The following RIMS2 variants were observed in gnomAD, a reference collection of about 807,000 sequenced individuals.
The protein encoded by RIMS2 is regulating synaptic membrane exocytosis 2.
A neutral mutation model predicts 174.4 loss-of-function variants in RIMS2; 59 were observed. The observed-to-expected ratio is 0.34, with a 90% CI of 0.27 to 0.42. The LOEUF is 0.42. RIMS2 is among the 10% of genes least tolerant of loss of function. The pLI is 1.00. For synonymous variants in RIMS2, 606 were observed against 572.5 expected, an observed-to-expected ratio of 1.06 and a Z score of -0.84; for missense variants, 1,620 against 1,666.3, an observed-to-expected ratio of 0.97 and a Z score of 0.48.
At chr8:104,153,601 G>C (rs1214843046) in intron 19 of RIMS2, among the ~76,000 whole-genome samples, 2 of 152,116 alleles carry the variant, frequency 1.3e-5, no homozygotes, top group Non-Finnish European at 2.9e-5. Flanking sequence ...TCAGAGCCCA[G>C]TAGATCAAAG....
At chr8:104,072,812 G>A (rs907653402) in intron 19 of RIMS2, among the ~76,000 whole-genome samples, 1 of 152,082 alleles carries the variant, frequency 6.6e-6, no homozygotes, top group Non-Finnish European at 1.5e-5. Context: ...TGCCTATTAA[G>A]CTACTGTCTT....
intron 1 of RIMS2, among the ~76,000 whole-genome samples, chr8:103,518,030 G>T (rs116104712): frequency 0.012 from 1,775 of 151,876 alleles, 42 homozygotes; most frequent in African/African-American, 0.041. Context: ...GCTCAATCTA[G>T]ATGTTTATGT....
chr8:104,110,808 C>G (rs13279907), intron 19 of RIMS2, among the ~76,000 whole-genome samples: 35,881 of 152,062 alleles, frequency 0.24, 4,525 homozygotes, highest in African/African-American at 0.33. Context: ...TTCTCATCAA[C>G]ATTCACAGCA....
At chr8:104,194,992 G>A (rs566928725) in intron 19 of RIMS2, among the ~76,000 whole-genome samples, 3 of 152,310 alleles carry the variant, frequency 2.0e-5, no homozygotes, top group African/African-American at 7.2e-5. Context: ...TAACAGGTAT[G>A]CCTTTTAGGT....
At chr8:103,619,823 T>C (rs1255131444) in intron 1 of RIMS2, among the ~76,000 whole-genome samples, 2 of 152,136 alleles carry the variant, frequency 1.3e-5, no homozygotes, top group Non-Finnish European at 2.9e-5. Flanking sequence ...TCTACTTTTA[T>C]AACAGTTCCT....
chr8:103,802,494 C>G (rs2098618373), intron 3 of RIMS2, among the ~76,000 whole-genome samples: 1 of 152,056 alleles, frequency 6.6e-6, no homozygotes, highest in African/African-American at 2.4e-5. Flanking sequence ...CGGTATTGGT[C>G]AAGGATATAA....
intron 19 of RIMS2, among the ~76,000 whole-genome samples, chr8:104,035,498 T>A (rs965271239): frequency 6.6e-6 from 1 of 151,662 alleles, no homozygotes; most frequent in Non-Finnish European, 1.5e-5. Flanking sequence ...ATAAGTATAG[T>A]GTAGGTAGGT....
At chr8:103,956,380 A>G (rs2087220032) in intron 14 of RIMS2, among the ~76,000 whole-genome samples, 1 of 152,202 alleles carries the variant, frequency 6.6e-6, no homozygotes, top group Non-Finnish European at 1.5e-5. Flanking sequence ...CCAAAAGAGC[A>G]TGGCACTGGT....
intron 3 of RIMS2, among the ~76,000 whole-genome samples, chr8:103,816,167 T>A (rs2098717107): frequency 2.6e-5 from 4 of 152,194 alleles, no homozygotes. Flanking sequence ...CAAAGCACAA[T>A]GTTTTTGATT....
chr8:103,703,046 G>A (rs911785483), intron 2 of RIMS2, among the ~76,000 whole-genome samples: 3 of 146,574 alleles, frequency 2.0e-5, no homozygotes, highest in East Asian at 4.0e-4. Flanking sequence ...CATTGGAGCC[G>A]TCATGGCTCA....
chr8:104,249,235 G>A (rs1475079914), intron 21 of RIMS2, among the ~76,000 whole-genome samples: 1 of 151,814 alleles, frequency 6.6e-6, no homozygotes, highest in Admixed American at 6.6e-5. Flanking sequence ...GCTCAGCCCA[G>A]TGGAATCTTT....
At chr8:104,091,556 T>C (rs1430382797) in intron 19 of RIMS2, among the ~76,000 whole-genome samples, 1 of 150,752 alleles carries the variant, frequency 6.6e-6, no homozygotes, top group Non-Finnish European at 1.5e-5. Flanking sequence ...TACCTTGAGA[T>C]CACATTTACT....
At chr8:103,690,039 C>A (rs762843488) in intron 1 of RIMS2, among the ~76,000 whole-genome samples, 7 of 150,458 alleles carry the variant, frequency 4.7e-5, no homozygotes, top group Non-Finnish European at 8.8e-5. Context: ...CAGCTCACTG[C>A]AGCGTCTGCT....
At chr8:103,568,976 A>G in intron 1 of RIMS2, 1 of 614,682 alleles carries the variant, frequency 1.6e-6, no homozygotes, top group Admixed American at 2.3e-5. Flanking sequence ...GCATGAGCTG[A>G]TCACCGTGTT....
At chr8:103,599,396 T>C (rs1445095728) in intron 1 of RIMS2, among the ~76,000 whole-genome samples, 1 of 147,988 alleles carries the variant, frequency 6.8e-6, no homozygotes, top group Non-Finnish European at 1.5e-5. Context: ...TTTTATTATA[T>C]ATAATGTATA....
intron 3 of RIMS2, among the ~76,000 whole-genome samples, chr8:103,829,007 C>T (rs1279905930): frequency 6.6e-6 from 1 of 150,826 alleles, no homozygotes; most frequent in Non-Finnish European, 1.5e-5. Context: ...TGTGATGGTG[C>T]CTCTAGCTTT....
intron 19 of RIMS2, among the ~76,000 whole-genome samples, chr8:104,090,529 CTG>C (rs1265185252): frequency 6.6e-6 from 1 of 151,646 alleles, no homozygotes; most frequent in Non-Finnish European, 1.5e-5. Flanking sequence ...ATCAGGAAAG[CTG>C]GGATACACGA....
chr8:103,607,011 A>T (rs1442861516), intron 1 of RIMS2, among the ~76,000 whole-genome samples: 2 of 151,448 alleles, frequency 1.3e-5, no homozygotes, highest in Non-Finnish European at 2.9e-5. Context: ...ATTTAAAGTT[A>T]ATATTGTTAT....
chr8:103,543,090 G>A (rs1254584824), intron 1 of RIMS2, among the ~76,000 whole-genome samples: 5 of 152,110 alleles, frequency 3.3e-5, no homozygotes, highest in South Asian at 2.1e-4. Context: ...GTCTGTATTT[G>A]CAAATAATAT....
Sources: allele counts gnomAD v4.1 joint callset (sites outside exome capture counted in the v4.1 genomes callset), GRCh38; gene constraint gnomAD v4.1.1; transcripts MANE v1.5; gene names NCBI Gene and HGNC (gene_info 2026-07-23, HGNC 2026-07-21).